Variants in GMEB1 observed in about 807,000 individuals in gnomAD.
The protein encoded by GMEB1 is glucocorticoid modulatory element-binding protein 1.
A neutral mutation model predicts 52.4 loss-of-function variants in GMEB1; 6 were observed. The ratio of observed to expected loss-of-function variants is 0.11; its 90% confidence interval spans 0.06 to 0.23. The LOEUF is 0.23. Ranked by LOEUF, GMEB1 falls within the 10% of genes least tolerant of loss-of-function variation. The pLI is 1.00. For missense variants in GMEB1, 486 were observed against 685.6 expected (o/e 0.71, Z 3.25); for synonymous variants, 255 against 244.9 (o/e 1.04, Z -0.38).
chr1:28,683,630 G>A lies in GMEB1; in HGVS notation c.18G>A (p.Val6=). The part of the protein sequence containing the change: MANAE[V]SVPVGDVVVV... ...TGTGAAAGATGGCTAATGCAGAAGTGAGTGTCCCAGTGGGGGATGTGGTTG... is the reference window on the plus strand; with the variant it reads ...TGTGAAAGATGGCTAATGCAGAAGTAAGTGTCCCAGTGGGGGATGTGGTTG... The change falls in exon 2 of 10, where the codon GTG becomes GTA. Residue 6 remains valine (V), a synonymous_variant. Coordinates refer to ENST00000373816, the MANE Select transcript of GMEB1 (RefSeq NM_001319674.2). The A allele has an allele frequency of 6.2e-7, 1 of 1,608,112 alleles. No homozygotes were observed. The highest frequency in any genetic ancestry group is 8.5e-7 in the Non-Finnish European group (1 of 1,177,866).
intron 8 of GMEB1, among the ~76,000 whole-genome samples, chr1:28,707,993 G>A (rs1464380858): frequency 1.3e-5 from 2 of 151,952 alleles, no homozygotes; most frequent in Non-Finnish European, 2.9e-5. Context: ...CAACCACCTG[G>A]GCTCAATTGA....
chr1:28,702,032 A>G (rs1355658540), intron 6 of GMEB1, among the ~76,000 whole-genome samples: 1 of 152,142 alleles, frequency 6.6e-6, no homozygotes. Context: ...GCTCTTGGGA[A>G]AGCACTATAC....
rs1279625321 is a variant in GMEB1 at position 28,718,914 on chromosome 1, G to C, written c.*4141G>C. The stretch of plus-strand genomic sequence containing the variant: ...GGCATATACCTAAGCTGATTTAGGA[G>C]AGACCACTTTTGGCTAGGTTTATTG... On this transcript the variant is annotated 3_prime_UTR_variant, in exon 10 of 10. Transcript: ENST00000373816. 1.3e-5 allele frequency: 2 copies of C among 152,218 alleles called. No individual in the cohort carries two copies. The highest frequency in any genetic ancestry group is 4.8e-5 in the African/African-American group (2 of 41,458). 9.4% of individuals were successfully genotyped at this position (152,218 alleles called of 1,614,324 possible). A position where few individuals can be genotyped will look rare whatever the true frequency, so the allele number is the denominator to read the frequency against.
chr1:28,689,858 A>G (rs1406738188), intron 2 of GMEB1: 25 of 377,290 alleles, frequency 6.6e-5, no homozygotes. Flanking sequence ...GTATAAATAA[A>G]TAAGTAGCAA....
At chr1:28,676,752 C>G (rs1296647091) in intron 1 of GMEB1, among the ~76,000 whole-genome samples, 1 of 151,236 alleles carries the variant, frequency 6.6e-6, no homozygotes, top group Non-Finnish European at 1.5e-5. Flanking sequence ...TAAATAAATA[C>G]AAATAAAGAT....
At chr1:28,710,984 T>C (rs1182678764) in intron 9 of GMEB1, among the ~76,000 whole-genome samples, 2 of 152,106 alleles carry the variant, frequency 1.3e-5, no homozygotes, top group South Asian at 2.1e-4. Context: ...TTGATAGATA[T>C]AAATTTAGCA....
rs1239367734 is a variant in GMEB1 at position 28,714,615 on chromosome 1, A to G, written c.1534A>G (p.Ile512Val). 1.2e-6 allele frequency: 2 copies of G among 1,614,030 alleles called. No individual in the cohort carries two copies. ...ESTSEDGQTI[I>V]EIDPAPDPEA... ...CACCTCAGAGGATGGGCAGACCATC[A>G]TTGAGATTGATCCAGCCCCGGACCC... The change falls in exon 10 of 10, where the codon ATT becomes GTT. Residue 512 changes from isoleucine (I) to valine (V), a missense_variant. By Grantham distance (29) the Ile-to-Val change is conservative. This residue lies in a region of GMEB1 where 153 missense variants were observed against 200.8 expected (regional missense o/e 0.76). Coordinates refer to ENST00000373816, the MANE Select transcript of GMEB1 (RefSeq NM_001319674.2).
Position 28,710,692 on chromosome 1 carries a change from G to T in GMEB1, c.991+50G>T, listed in dbSNP as rs750614860. On this transcript the variant is annotated intron_variant, in intron 9 of 9. Coordinates refer to ENST00000373816, the MANE Select transcript of GMEB1 (RefSeq NM_001319674.2). ...TCGGTGATATCATGCTAATATTCTT[G>T]TCTTCCCATTTTCTTGTTGACTTTT... 4 of 1,283,932 alleles carry T rather than the reference G, an allele frequency of 3.1e-6. No individual in the cohort carries two copies. The Admixed American group carries it at 8.9e-5, about 29-fold the overall frequency. 79.5% of individuals were successfully genotyped at this position (1,283,932 alleles called of 1,614,324 possible). A position where few individuals can be genotyped will look rare whatever the true frequency, so the allele number is the denominator to read the frequency against.
At position 28,681,361 on chromosome 1, in the gene GMEB1, G is replaced by A. The variant is rs114447834; in HGVS notation, c.-30-2222G>A. ...CCAGTCTGGGCAACGGAGCGAGACC[G>A]CGTCTCAAAAAAAAGAAAATAGTTT... On this transcript the variant is annotated intron_variant, in intron 1 of 9. Coordinates refer to ENST00000373816, the MANE Select transcript of GMEB1 (RefSeq NM_001319674.2). Among the ~76,000 whole-genome samples the A allele has an allele frequency of 3.7e-3, 562 of 152,140 alleles. 7 individuals are homozygous for A. Among genetic ancestry groups the A allele is most frequent in the African/African-American group, 0.013 (536 of 41,526 alleles).
chr1:28,681,462 C>T (rs557483045), intron 1 of GMEB1, among the ~76,000 whole-genome samples: 259 of 152,228 alleles, frequency 1.7e-3, no homozygotes, highest in Non-Finnish European at 3.0e-3. Flanking sequence ...GCATTAAAGA[C>T]ATTTCAGGCT....
chr1:28,702,455 G>C lies in GMEB1; in HGVS notation c.616G>C (p.Ala206Pro), dbSNP rs760304580. 2 of 1,613,388 alleles carry C rather than the reference G, an allele frequency of 1.2e-6. No homozygotes were observed. The highest frequency in any genetic ancestry group is 2.2e-5 in the South Asian group (2 of 91,066). ...TSADGSITQI[A>P]ISEESMEEAG... The stretch of plus-strand genomic sequence containing the variant: ...GTTTTTAGGTAGCATCACGCAGATT[G>C]CCATCTCAGAAGAGAGCATGGAAGA... Residue 206 changes from alanine to proline, a missense_variant, in exon 7 of 10, where the codon GCC (alanine) becomes CCC (proline). By Grantham distance (27) the Ala-to-Pro change is conservative (BLOSUM62 -1). Coordinates refer to ENST00000373816, the MANE Select transcript of GMEB1 (RefSeq NM_001319674.2).
At position 28,707,103 on chromosome 1, in the gene GMEB1, C is replaced by T. The variant is rs573533310; in HGVS notation, c.868+2774C>T. 7.3e-5 allele frequency among the ~76,000 whole-genome samples: 11 copies of T among 151,308 alleles called. No homozygotes were observed. In the South Asian group the frequency reaches 2.1e-3, roughly 29 times the overall value. The stretch of plus-strand genomic sequence containing the variant: ...GTTCACGGCATTCTCCTGTCACAGC[C>T]TCCCGAGTAGCTGGGACTACAGGTG... On this transcript the variant is annotated intron_variant, in intron 8 of 9. Coordinates refer to ENST00000373816, the MANE Select transcript of GMEB1 (RefSeq NM_001319674.2).
At position 28,678,950 on chromosome 1, in the gene GMEB1, C is replaced by T. The variant is rs141757717; in HGVS notation, c.-30-4633C>T. ...TTTTTGAGACGGAGTCTCGCTCTGTCGCCAGGCTGGAGTGCAGTGCCGTGA... is the reference window on the plus strand; with the variant it reads ...TTTTTGAGACGGAGTCTCGCTCTGTTGCCAGGCTGGAGTGCAGTGCCGTGA... On this transcript the variant is annotated intron_variant, in intron 1 of 9. Coordinates refer to ENST00000373816, the MANE Select transcript of GMEB1 (RefSeq NM_001319674.2). Among the ~76,000 whole-genome samples the T allele has an allele frequency of 2.6e-3, 401 of 152,028 alleles. 1 individual carries two copies. The highest frequency in any genetic ancestry group is 9.2e-3 in the African/African-American group (381 of 41,470).
At chr1:28,677,559 T>C (rs568456947) in intron 1 of GMEB1, among the ~76,000 whole-genome samples, 1 of 152,354 alleles carries the variant, frequency 6.6e-6, no homozygotes, top group African/African-American at 2.4e-5. Flanking sequence ...ATAAGTTTGC[T>C]ACTTGCCAAA....
chr1:28,714,611 C>A lies in GMEB1; in HGVS notation c.1530C>A (p.Thr510=). 3 of 1,614,084 alleles carry A rather than the reference C, an allele frequency of 1.9e-6. No homozygotes were observed. Among genetic ancestry groups the A allele is most frequent in the Non-Finnish European group, 2.5e-6 (3 of 1,180,004 alleles). The change falls in exon 10 of 10, where the codon ACC becomes ACA. Residue 510 remains threonine, a synonymous_variant. Coordinates refer to ENST00000373816, the MANE Select transcript of GMEB1 (RefSeq NM_001319674.2). ...AAAGCACCTCAGAGGATGGGCAGAC[C>A]ATCATTGAGATTGATCCAGCCCCGG... ...AVESTSEDGQ[T]IIEIDPAPDP... is the part of the protein sequence containing the mutation.
At chr1:28,670,360 T>C in intron 1 of GMEB1, among the ~76,000 whole-genome samples, 1 of 150,154 alleles carries the variant, frequency 6.7e-6, no homozygotes. Flanking sequence ...GGAGTTTCAC[T>C]CCTGTTGCCC....
intron 1 of GMEB1, among the ~76,000 whole-genome samples, chr1:28,681,861 C>A (rs1669406381): frequency 6.6e-6 from 1 of 151,996 alleles, no homozygotes; most frequent in Non-Finnish European, 1.5e-5. Context: ...TACCACCGCG[C>A]CAGGCCAATT....
chr1:28,719,236 G>C lies in GMEB1; in HGVS notation c.*4463G>C, dbSNP rs572320503. On this transcript the variant is annotated 3_prime_UTR_variant, in exon 10 of 10. Transcript: ENST00000373816. ...ACTGTCTTGTCTTGGCCATGTCCCT[G>C]TTTGGTCCCTGCCTTGTTCTCTTCC... 6.6e-6 allele frequency: 1 copy of C among 152,286 alleles called. No individual in the cohort carries two copies. Among genetic ancestry groups the C allele is most frequent in the Non-Finnish European group, 1.5e-5 (1 of 68,050 alleles). The allele number at this position is 152,286 out of a possible 1,614,324, so 9.4% of individuals were successfully genotyped here.
At chr1:28,704,384 G>C in intron 8 of GMEB1, 55 bp downstream of exon 8, 2 of 1,485,626 alleles carry the variant, frequency 1.3e-6, no homozygotes, top group Non-Finnish European at 1.8e-6. Flanking sequence ...CACCTCCGTA[G>C]GCAGGTCCTG....
Sources: gnomAD v4.1 joint callset for allele counts (sites outside exome capture counted in the v4.1 genomes callset) on GRCh38, gnomAD v4.1.1 for gene constraint, gnomAD v4.1.1 regional missense constraint, MANE v1.5 for transcripts, NCBI Gene and HGNC (gene_info 2026-07-23, HGNC 2026-07-21) for gene names.